The following COBLL1 variants were observed in gnomAD, a reference collection of about 807,000 sequenced individuals.
The protein encoded by COBLL1 is cordon-bleu protein-like 1.
COBLL1 carries 50 observed loss-of-function variants against 94.8 expected under a neutral mutation model. The observed-to-expected ratio is 0.53, with a 90% CI of 0.42 to 0.67. COBLL1 has a LOEUF of 0.67. COBLL1 is among the 30% of genes least tolerant of loss of function. COBLL1 has a pLI of 0.00. For synonymous variants in COBLL1, 448 were observed against 473.8 expected (o/e 0.95, Z 0.71); for missense variants, 1,362 against 1,348.7 (o/e 1.01, Z -0.15).
intron 7 of COBLL1, among the ~76,000 whole-genome samples, chr2:164,715,157 A>G (rs1685100160): frequency 6.6e-6 from 1 of 152,182 alleles, no homozygotes; most frequent in African/African-American, 2.4e-5. Flanking sequence ...ACCCTTTGAA[A>G]ATCTGATGAA....
chr2:164,688,948 GC>G (rs1198918897), intron 13 of COBLL1, among the ~76,000 whole-genome samples: 1 of 152,080 alleles, frequency 6.6e-6, no homozygotes, highest in African/African-American at 2.4e-5. Flanking sequence ...AGTACTGAAA[GC>G]CAAAGTTGTT....
At chr2:164,826,045 G>A (rs1685413817) in intron 2 of COBLL1, among the ~76,000 whole-genome samples, 2 of 152,192 alleles carry the variant, frequency 1.3e-5, no homozygotes, top group Non-Finnish European at 2.9e-5. Context: ...TGATGCTCGT[G>A]TATGACTTTA....
At chr2:164,779,583 G>T (rs1431336423) in intron 2 of COBLL1, 3 of 450,786 alleles carry the variant, frequency 6.7e-6, no homozygotes, top group African/African-American at 4.0e-5. Flanking sequence ...CCATTTCCCA[G>T]AACACAGAGC....
chr2:164,678,809 C>A (rs969777204), downstream of COBLL1, among the ~76,000 whole-genome samples: 11 of 152,112 alleles, frequency 7.2e-5, no homozygotes, highest in African/African-American at 2.7e-4. Flanking sequence ...TTTTATGAAC[C>A]ATCACTAGTC....
chr2:164,752,074 C>T (rs1463665494), intron 2 of COBLL1, among the ~76,000 whole-genome samples: 2 of 152,232 alleles, frequency 1.3e-5, no homozygotes, highest in South Asian at 2.1e-4. Context: ...CAAAGAAGCA[C>T]ATATGGAATG....
intron 9 of COBLL1, among the ~76,000 whole-genome samples, chr2:164,703,462 GTTA>G: frequency 6.6e-6 from 1 of 152,194 alleles, no homozygotes; most frequent in Middle Eastern, 3.4e-3. Flanking sequence ...AGTTGTAATT[GTTA>G]TTATTCAATA....
intron 2 of COBLL1, among the ~76,000 whole-genome samples, chr2:164,663,936 A>G (rs1251713938): frequency 4.6e-5 from 7 of 152,240 alleles, no homozygotes; most frequent in Non-Finnish European, 8.8e-5. Context: ...CCTCTGATCT[A>G]AAATAAAATT....
At chr2:164,707,378 T>G (rs1424329275) in intron 7 of COBLL1, among the ~76,000 whole-genome samples, 4 of 152,160 alleles carry the variant, frequency 2.6e-5, no homozygotes, top group Non-Finnish European at 5.9e-5. Context: ...TGACCTCAAG[T>G]GATCTGCCTG....
At chr2:164,821,948 T>C (rs1347028237) in intron 2 of COBLL1, among the ~76,000 whole-genome samples, 1 of 152,176 alleles carries the variant, frequency 6.6e-6, no homozygotes, top group Non-Finnish European at 1.5e-5. Flanking sequence ...ATGGCTGATG[T>C]CCAAAAACAT....
At chr2:164,741,648 A>C (rs1686601695) in intron 3 of COBLL1, among the ~76,000 whole-genome samples, 1 of 152,134 alleles carries the variant, frequency 6.6e-6, no homozygotes, top group Admixed American at 6.6e-5. Context: ...AACTGCAGCA[A>C]TTCAACAACA....
At chr2:164,706,350 T>A (rs895981226) in intron 7 of COBLL1, among the ~76,000 whole-genome samples, 3 of 152,180 alleles carry the variant, frequency 2.0e-5, no homozygotes, top group African/African-American at 7.2e-5. Context: ...CTGCTTCTCT[T>A]CATCTCCTGA....
chr2:164,673,791 A>G (rs1254885876), intron 1 of COBLL1, among the ~76,000 whole-genome samples: 1 of 152,218 alleles, frequency 6.6e-6, no homozygotes, highest in African/African-American at 2.4e-5. Context: ...ATATTTGTGT[A>G]TTGTTTATGG....
In COBLL1 at chr2:164,841,767, C is replaced by T; in HGVS notation, c.-108G>A. 1 of 556,986 alleles carries T rather than the reference C, an allele frequency of 1.8e-6. No individual in the cohort carries two copies. The highest frequency in any genetic ancestry group is 3.3e-5 in the East Asian group (1 of 30,364). 34.5% of individuals were successfully genotyped at this position (556,986 alleles called of 1,614,324 possible). On this transcript the variant is annotated 5_prime_UTR_variant, in exon 1 of 14. Transcript: ENST00000652658. This position sits in a 1 kb window ranked among gnomAD's most constrained non-coding sequence, Gnocchi z 5.5. Reference sequence around the variant, plus strand: ...TTCTCCCTCGCGGCTTCCTCTCCTACTCTTCCCTTCCCCGGCCCGCGCTCT... The same window carrying T: ...TTCTCCCTCGCGGCTTCCTCTCCTATTCTTCCCTTCCCCGGCCCGCGCTCT...
At position 164,717,948 on chromosome 2, in the gene COBLL1, C is replaced by T. The variant is rs146933323; in HGVS notation, c.996+4127G>A. Among the ~76,000 whole-genome samples, 351 of 152,218 alleles carry T rather than the reference C, an allele frequency of 2.3e-3. 2 individuals carry two copies. The highest frequency in any genetic ancestry group is 8.2e-3 in the African/African-American group (339 of 41,530). On this transcript the variant is annotated intron_variant, in intron 7 of 13. Transcript: ENST00000652658. ...ATAGTTTAGTTGGACCTTAAGTTTT[C>T]AATATAACCTTATCTAAATTCTGGC...
Position 164,687,650 on chromosome 2 carries a change from A to T in COBLL1, c.3301-1618T>A, listed in dbSNP as rs1050115378. The T allele has an allele frequency of 1.0e-5, 9 of 896,576 alleles. No individual in the cohort carries two copies. The African/African-American group carries it at 1.3e-4, about 13-fold the overall frequency. 55.5% of individuals were successfully genotyped at this position (896,576 alleles called of 1,614,324 possible). A position where few individuals can be genotyped will look rare whatever the true frequency, so the allele number is the denominator to read the frequency against. The stretch of plus-strand genomic sequence containing the variant: ...TGAACATACATCTGAAAGGCCTATT[A>T]TCAAGGTCCCTTAGAGCAACCTATA... On this transcript the variant is annotated intron_variant, in intron 13 of 13. Coordinates refer to ENST00000652658, the MANE Select transcript of COBLL1 (RefSeq NM_001365672.2).
At position 164,722,121 on chromosome 2, in the gene COBLL1, G is replaced by A; in HGVS notation, c.950C>T (p.Pro317Leu). ...CATGGATTTCACTATACAAGAAGCA[G>A]GCCTCTCCTGGATGTGTGCAAGGTC... ...PQDLAHIQER[P>L]ASCIVKSMSV... Residue 317 changes from proline (P) to leucine (L), a missense_variant, in exon 7 of 14, where the codon CCT (proline) becomes CTT (leucine). Pro to Leu is a moderately conservative substitution (Grantham distance 98, BLOSUM62 -3). Coordinates refer to ENST00000652658, the MANE Select transcript of COBLL1 (RefSeq NM_001365672.2). 6.2e-7 allele frequency: 1 copy of A among 1,613,468 alleles called. No homozygotes were observed. The highest frequency in any genetic ancestry group is 8.5e-7 in the Non-Finnish European group (1 of 1,179,618).
chr2:164,699,232 C>A (rs1288013249), intron 11 of COBLL1, among the ~76,000 whole-genome samples, 173 bp downstream of exon 11: 1 of 151,748 alleles, frequency 6.6e-6, no homozygotes, highest in East Asian at 1.9e-4. Flanking sequence ...CTCTGTGGCA[C>A]AATCATCTGT....
At position 164,681,108 on chromosome 2, in the gene COBLL1, T is replaced by C. The variant is rs1290706041; in HGVS notation, c.*4838A>G. ...CTGAACAGACTGAATCAATTTATGA[T>C]TAGGGTTAGAGTCATATGTGTATGG... is the stretch of plus-strand genomic sequence containing the variant. On this transcript the variant is annotated 3_prime_UTR_variant, in exon 14 of 14. Coordinates refer to ENST00000652658, the MANE Select transcript of COBLL1 (RefSeq NM_001365672.2). The C allele has an allele frequency of 6.6e-6, 1 of 152,180 alleles. No individual in the cohort carries two copies. Among genetic ancestry groups the C allele is most frequent in the East Asian group, 1.9e-4 (1 of 5,198 alleles). The allele number at this position is 152,180 out of a possible 1,614,324, so 9.4% of individuals were successfully genotyped here.
chr2:164,676,673 T>A (rs948889121), downstream of COBLL1, among the ~76,000 whole-genome samples: 8 of 150,770 alleles, frequency 5.3e-5, no homozygotes, highest in African/African-American at 2.0e-4. Flanking sequence ...GATTCTTAAC[T>A]CTGCTTTTTT....
Sources: allele counts gnomAD v4.1 joint callset (sites outside exome capture counted in the v4.1 genomes callset), GRCh38; gene constraint gnomAD v4.1.1; non-coding constraint Gnocchi (gnomAD v3.1); transcripts MANE v1.5; gene names NCBI Gene and HGNC (gene_info 2026-07-23, HGNC 2026-07-21).